The following DISC1 variants were observed in gnomAD, a reference collection of about 807,000 sequenced individuals.
The protein encoded by DISC1 is DISC1 scaffold protein, also known as disrupted in schizophrenia 1 protein.
In DISC1, 57 loss-of-function variants were observed where a neutral mutation model predicts 84.5. That is an observed-to-expected ratio of 0.67 (90% CI 0.55 to 0.84). The LOEUF is 0.84. Ranked by LOEUF, DISC1 falls within the 40% of genes least tolerant of loss-of-function variation. DISC1 has a pLI of 0.00. For missense variants in DISC1, 1,000 were observed against 1,057.8 expected (o/e 0.95, Z 0.76); for synonymous variants, 411 against 415.2 (o/e 0.99, Z 0.12).
Position 231,831,854 on chromosome 1 carries a change from G to C in DISC1, c.1981+13337G>C, listed in dbSNP as rs558442831. ...TTCGGCTTTCTGAGAGGTAGTGGGG[G>C]GGGGTGGGCAGAGTGGTAGCCTTGA... On this transcript the variant is annotated intron_variant, in intron 9 of 12. Transcript: ENST00000439617. Among the ~76,000 whole-genome samples the C allele has an allele frequency of 4.4e-4, 22 of 49,814 alleles. 1 individual carries two copies. The South Asian group carries it at 1.0e-2, about 23-fold the overall frequency. 32.7% of individuals were successfully genotyped at this position (49,814 alleles called of 152,430 possible).
intron 4 of DISC1, among the ~76,000 whole-genome samples, chr1:231,757,310 C>T (rs1035520765): frequency 6.6e-6 from 1 of 152,080 alleles, no homozygotes; most frequent in Non-Finnish European, 1.5e-5. Context: ...CTGAGTTATT[C>T]GTTCACTCCT....
intron 10 of DISC1, among the ~76,000 whole-genome samples, chr1:231,973,688 C>CTA (rs748351754): frequency 6.6e-6 from 1 of 152,192 alleles, no homozygotes; most frequent in Non-Finnish European, 1.5e-5. Flanking sequence ...TTTCCTAGGC[C>CTA]TATAATAGGT....
At chr1:231,846,322 G>A (rs577898851) in intron 9 of DISC1, among the ~76,000 whole-genome samples, 3 of 152,292 alleles carry the variant, frequency 2.0e-5, no homozygotes, top group South Asian at 2.1e-4. Flanking sequence ...CCCACAGGAC[G>A]GGACAACTGC....
intron 9 of DISC1, among the ~76,000 whole-genome samples, chr1:231,901,040 T>C (rs1391694601): frequency 6.6e-6 from 1 of 152,130 alleles, no homozygotes; most frequent in Non-Finnish European, 1.5e-5. Context: ...GCTTTAAGTC[T>C]CTAGTGTAGA....
Position 231,749,923 on chromosome 1 carries a change from C to T in DISC1, c.1118-3C>T. ...CCTCTCTCTCATCATTTTGGGTTTC[C>T]AGCTGAGACGTTACAACAAAGATTA... On this transcript the variant is annotated splice_region_variant and splice_polypyrimidine_tract_variant and intron_variant, in intron 3 of 12. Transcript: ENST00000439617. 6.2e-7 allele frequency: 1 copy of T among 1,614,084 alleles called. No homozygotes were observed. The highest frequency in any genetic ancestry group is 2.2e-5 in the East Asian group (1 of 44,880).
intron 1 of DISC1, among the ~76,000 whole-genome samples, chr1:231,644,387 C>T (rs923635170): frequency 6.6e-6 from 1 of 152,238 alleles, no homozygotes; most frequent in African/African-American, 2.4e-5. Context: ...CGGAAAGCTA[C>T]ATATCCCAGG....
intron 9 of DISC1, among the ~76,000 whole-genome samples, chr1:231,900,306 G>A (rs1367287832): frequency 1.3e-5 from 2 of 152,184 alleles, no homozygotes; most frequent in African/African-American, 4.8e-5. Flanking sequence ...ATACCACTGC[G>A]GTGGAGCTTT....
intron 9 of DISC1, chr1:231,854,780 C>T (rs997101938): frequency 3.6e-5 from 8 of 221,078 alleles, no homozygotes; most frequent in East Asian, 1.5e-4. Context: ...TGCAGTGGTA[C>T]GATCTTGCTC....
intron 3 of DISC1, among the ~76,000 whole-genome samples, chr1:231,724,860 G>A (rs971066660): frequency 3.3e-5 from 5 of 152,210 alleles, no homozygotes; most frequent in Non-Finnish European, 7.3e-5. Context: ...AGAGCCAAGT[G>A]TGTAGCATAG....
intron 3 of DISC1, among the ~76,000 whole-genome samples, chr1:231,725,557 G>A (rs753869917): frequency 5.9e-5 from 9 of 152,262 alleles, no homozygotes; most frequent in Admixed American, 1.3e-4. Flanking sequence ...ACACAGTTCC[G>A]AGAGCCCATA....
chr1:231,912,740 CTCTTCTTTCTTTCTTTCTT>C (rs200147008), intron 9 of DISC1, among the ~76,000 whole-genome samples: 4,417 of 147,708 alleles, frequency 0.03, 130 homozygotes, highest in East Asian at 0.1. Context: ...CTGCAGCTTG[CTCTTCTTTCTTTCTTTCTT>C]TCTTTCTTTC....
At chr1:231,794,888 A>T (rs1292144551) in intron 6 of DISC1, among the ~76,000 whole-genome samples, 2 of 152,114 alleles carry the variant, frequency 1.3e-5, no homozygotes, top group Non-Finnish European at 2.9e-5. Context: ...TGCTGGTGAG[A>T]CACTACTCAG....
chr1:231,688,540 G>C (rs7552630), intron 1 of DISC1, among the ~76,000 whole-genome samples: 57,460 of 152,006 alleles, frequency 0.38, 11,287 homozygotes, highest in African/African-American at 0.49. Flanking sequence ...CCTTTAATCC[G>C]ATGAGGTGGT....
chr1:232,033,371 T>C lies in DISC1; in HGVS notation c.2426-3321T>C, dbSNP rs1444995391. 4.6e-5 allele frequency among the ~76,000 whole-genome samples: 7 copies of C among 152,296 alleles called. No individual in the cohort carries two copies. In the East Asian group the frequency reaches 1.2e-3, roughly 25 times the overall value. On this transcript the variant is annotated intron_variant, in intron 12 of 12. Coordinates refer to ENST00000439617, the MANE Select transcript of DISC1 (RefSeq NM_018662.3). ...CACTGCCCTGTTCAAGCCATGATTG[T>C]TTCTTGCCTGAACTATTGCAGTGGT...
intron 9 of DISC1, chr1:231,855,183 G>T: frequency 2.0e-6 from 2 of 1,010,870 alleles, no homozygotes; most frequent in Non-Finnish European, 2.4e-6. Context: ...ATTTGTGAAT[G>T]ACACTTTTGA....
intron 10 of DISC1, among the ~76,000 whole-genome samples, chr1:231,979,551 T>C (rs1663305580): frequency 6.6e-6 from 1 of 151,408 alleles, no homozygotes; most frequent in Non-Finnish European, 1.5e-5. Context: ...TGTATTTATT[T>C]TCTCTTATGC....
At chr1:231,738,777 T>C (rs966437397) in intron 3 of DISC1, among the ~76,000 whole-genome samples, 9 of 152,244 alleles carry the variant, frequency 5.9e-5, no homozygotes, top group African/African-American at 2.2e-4. Context: ...TCTATTAGCA[T>C]GGATGTGTTG....
chr1:231,748,519 C>G lies in DISC1; in HGVS notation c.1118-1407C>G, dbSNP rs145451289. On this transcript the variant is annotated intron_variant, in intron 3 of 12. Coordinates refer to ENST00000439617, the MANE Select transcript of DISC1 (RefSeq NM_018662.3). ...GATCATATGATTTTTGCCCTTCATT[C>G]TATTGATGAGATGTATGATGTTTAT... Among the ~76,000 whole-genome samples the G allele has an allele frequency of 1.3e-4, 20 of 152,270 alleles. No individual in the cohort carries two copies. The East Asian group carries it at 3.7e-3, about 28-fold the overall frequency.
At chr1:231,792,739 G>A (rs1266303451) in intron 6 of DISC1, among the ~76,000 whole-genome samples, 1 of 152,118 alleles carries the variant, frequency 6.6e-6, no homozygotes, top group Non-Finnish European at 1.5e-5. Flanking sequence ...CACCCTAAGT[G>A]GTTTCATCTG....
Sources: allele counts gnomAD v4.1 joint callset (sites outside exome capture counted in the v4.1 genomes callset), GRCh38; gene constraint gnomAD v4.1.1; transcripts MANE v1.5; gene names NCBI Gene and HGNC (gene_info 2026-07-23, HGNC 2026-07-21).